The following DIAPH3 variants were observed in gnomAD, a reference collection of about 807,000 sequenced individuals.
The protein encoded by DIAPH3 is protein diaphanous homolog 3.
DIAPH3 carries 117 observed loss-of-function variants against 144.3 expected under a neutral mutation model. That is an observed-to-expected ratio of 0.81 (90% CI 0.70 to 0.95). The LOEUF is 0.95. Among genes scored for constraint, DIAPH3 ranks in the 40% least tolerant of loss-of-function variants. The pLI is 0.00. For synonymous variants in DIAPH3, 519 were observed against 488.9 expected (o/e 1.06, Z -0.81); for missense variants, 1,421 against 1,412.7 (o/e 1.01, Z -0.09).
chr13:60,097,001 GGC>G (rs1345693194), intron 3 of DIAPH3, among the ~76,000 whole-genome samples: 1 of 152,124 alleles, frequency 6.6e-6, no homozygotes, highest in Non-Finnish European at 1.5e-5. Flanking sequence ...TAGACAGGCA[GGC>G]ATCCTATTGG....
chr13:59,943,211 T>G lies in DIAPH3; in HGVS notation c.2075-18341A>C, dbSNP rs545372230. 7.2e-5 allele frequency among the ~76,000 whole-genome samples: 11 copies of G among 152,282 alleles called. No homozygotes were observed. The South Asian group carries it at 8.3e-4, about 11-fold the overall frequency. ...GTTTATTTCTTAATGTCAACGAAGA[T>G]CAGCAGTTTCAAAGAATTGTAGAAT... On this transcript the variant is annotated intron_variant, in intron 17 of 27. Transcript: ENST00000400324.
intron 24 of DIAPH3, among the ~76,000 whole-genome samples, chr13:59,825,155 T>C (rs901546572): frequency 1.3e-5 from 2 of 152,136 alleles, no homozygotes; most frequent in Non-Finnish European, 2.9e-5. Context: ...TCATTTAGCA[T>C]TAGGTATATC....
At chr13:60,006,635 G>A (rs1386638098) in intron 9 of DIAPH3, among the ~76,000 whole-genome samples, 1 of 152,064 alleles carries the variant, frequency 6.6e-6, no homozygotes, top group Non-Finnish European at 1.5e-5. Context: ...AAAAAGAAAA[G>A]CAATAGGAAG....
rs374593683 is a variant in DIAPH3 at position 59,861,164 on chromosome 13, G to A, written c.2737+243C>T. On this transcript the variant is annotated intron_variant, in intron 22 of 27. Coordinates refer to ENST00000400324, the MANE Select transcript of DIAPH3 (RefSeq NM_001042517.2). ...GGTAGGGCTAGCAGGTATCTACAAGGTTTAAACTGTAAAACAAAGTATTTT... is the reference window on the plus strand; with the variant it reads ...GGTAGGGCTAGCAGGTATCTACAAGATTTAAACTGTAAAACAAAGTATTTT... 3.0e-6 allele frequency: 4 copies of A among 1,331,342 alleles called. No individual in the cohort carries two copies. The African/African-American group carries it at 5.9e-5, about 20-fold the overall frequency. The allele number at this position is 1,331,342 out of a possible 1,614,324, so 82.5% of individuals were successfully genotyped here. A position where few individuals can be genotyped will look rare whatever the true frequency, so the allele number is the denominator to read the frequency against.
chr13:60,017,098 G>C lies in DIAPH3; in HGVS notation c.627-953C>G, dbSNP rs188036802. 3.0e-3 allele frequency among the ~76,000 whole-genome samples: 455 copies of C among 152,258 alleles called. 2 individuals carry two copies. Among genetic ancestry groups the C allele is most frequent in the African/African-American group, 9.6e-3 (399 of 41,556 alleles). On this transcript the variant is annotated intron_variant, in intron 5 of 27. Transcript: ENST00000400324. ...TATGTGTATGTGTACTGTTTGAACA[G>C]TAAGATGTTAAAAACAAAATTTCGG...
chr13:59,943,016 CAT>C (rs748798813), intron 17 of DIAPH3, among the ~76,000 whole-genome samples: 1 of 151,918 alleles, frequency 6.6e-6, no homozygotes, highest in Admixed American at 6.6e-5. Flanking sequence ...CATATTTTTC[CAT>C]ATATATATAA....
rs1555315118 is a variant in DIAPH3, at chr13:59,848,324, T to TTTTA, written c.2738-8877_2738-8876insTAAA. On this transcript the variant is annotated intron_variant, in intron 22 of 27. Transcript: ENST00000400324. ...AGTCAAATCTTTTTTTTTTTTTTTT[T>TTTTA]AATTATTATACTTTAAGTTTTAGGG... 3.5e-3 allele frequency among the ~76,000 whole-genome samples: 520 copies of TTTTA among 149,174 alleles called. 4 individuals carry two copies. Among genetic ancestry groups the TTTTA allele is most frequent in the African/African-American group, 0.012 (505 of 40,806 alleles).
chr13:59,909,475 G>A (rs1320068237), intron 20 of DIAPH3, among the ~76,000 whole-genome samples: 2 of 150,502 alleles, frequency 1.3e-5, no homozygotes, highest in Admixed American at 6.6e-5. Context: ...AATGGAAAAA[G>A]GTAAAATCTA....
chr13:59,916,082 T>A, intron 19 of DIAPH3, 73 bp downstream of exon 19: 24 of 1,331,374 alleles, frequency 1.8e-5, no homozygotes, highest in Non-Finnish European at 2.5e-5. Context: ...GAATTTTGCT[T>A]CACTTACAGA....
At chr13:59,867,243 A>C (rs1203705046) in intron 21 of DIAPH3, among the ~76,000 whole-genome samples, 2 of 151,542 alleles carry the variant, frequency 1.3e-5, no homozygotes, top group African/African-American at 4.8e-5. Flanking sequence ...GCAGTGAGCT[A>C]TATAATCTCT....
intron 1 of DIAPH3, among the ~76,000 whole-genome samples, chr13:60,149,411 G>C (rs995484742): frequency 6.6e-6 from 1 of 152,130 alleles, no homozygotes; most frequent in Non-Finnish European, 1.5e-5. Context: ...ATGTTCCCAT[G>C]TGGGAAAAAA....
chr13:59,915,065 T>C (rs923628238), intron 19 of DIAPH3, among the ~76,000 whole-genome samples: 29 of 152,270 alleles, frequency 1.9e-4, no homozygotes, highest in Admixed American at 1.8e-3. Flanking sequence ...TAAAAGCTAC[T>C]CTGTAAATAT....
chr13:59,831,820 C>A (rs1308680344), intron 24 of DIAPH3, among the ~76,000 whole-genome samples: 2 of 151,826 alleles, frequency 1.3e-5, no homozygotes, highest in African/African-American at 4.8e-5. Context: ...CTGAATTAAC[C>A]CTTTACTGTA....
At chr13:59,794,453 A>G (rs1469916632) in intron 25 of DIAPH3, among the ~76,000 whole-genome samples, 1 of 152,116 alleles carries the variant, frequency 6.6e-6, no homozygotes, top group Non-Finnish European at 1.5e-5. Flanking sequence ...TACATTTCCT[A>G]TTAGGGGAAT....
chr13:60,111,662 A>C (rs762199839), intron 3 of DIAPH3, among the ~76,000 whole-genome samples: 1 of 151,586 alleles, frequency 6.6e-6, no homozygotes, highest in Non-Finnish European at 1.5e-5. Context: ...CATCTCCACC[A>C]CCCCCCAAAC....
intron 5 of DIAPH3, among the ~76,000 whole-genome samples, chr13:60,029,579 A>G (rs903315325): frequency 1.3e-5 from 2 of 152,144 alleles, no homozygotes; most frequent in African/African-American, 4.8e-5. Flanking sequence ...GGAATTTGGC[A>G]TTTGCCCTGC....
At chr13:60,067,701 T>C (rs1034957160) in intron 4 of DIAPH3, among the ~76,000 whole-genome samples, 1 of 152,188 alleles carries the variant, frequency 6.6e-6, no homozygotes, top group Non-Finnish European at 1.5e-5. Context: ...CAAATCTATA[T>C]TACCCTTTTA....
chr13:59,856,140 A>G (rs2043241216), intron 22 of DIAPH3, among the ~76,000 whole-genome samples: 1 of 152,318 alleles, frequency 6.6e-6, no homozygotes, highest in Non-Finnish European at 1.5e-5. Context: ...CAATTATTTC[A>G]AAACATCTGA....
chr13:59,711,911 A>C (rs2034767621), intron 27 of DIAPH3, among the ~76,000 whole-genome samples: 1 of 152,218 alleles, frequency 6.6e-6, no homozygotes, highest in South Asian at 2.1e-4. Flanking sequence ...TCTGATCCAC[A>C]GGCAGTGTGA....
Sources: allele counts gnomAD v4.1 joint callset (sites outside exome capture counted in the v4.1 genomes callset), GRCh38; gene constraint gnomAD v4.1.1; transcripts MANE v1.5; gene names NCBI Gene and HGNC (gene_info 2026-07-23, HGNC 2026-07-21).